Variants in PIK3R5 observed in about 807,000 individuals in gnomAD.
PIK3R5 encodes phosphoinositide-3-kinase regulatory subunit 5.
A neutral mutation model predicts 94.9 loss-of-function variants in PIK3R5; 32 were observed. The observed-to-expected ratio is 0.34, with a 90% CI of 0.25 to 0.45. The LOEUF is 0.45. PIK3R5 is among the 20% of genes least tolerant of loss of function. The pLI is 1.00. For synonymous variants in PIK3R5, 443 were observed against 479.4 expected, an observed-to-expected ratio of 0.92 and a Z score of 0.99; for missense variants, 853 against 1,144.6, an observed-to-expected ratio of 0.75 and a Z score of 3.68.
chr17:8,899,122 A>G (rs1237585294), intron 5 of PIK3R5, among the ~76,000 whole-genome samples: 1 of 152,244 alleles, frequency 6.6e-6, no homozygotes, highest in African/African-American at 2.4e-5. Flanking sequence ...GCTGAGCCCA[A>G]GAGGGCTGTG....
intron 5 of PIK3R5, among the ~76,000 whole-genome samples, chr17:8,903,456 G>T (rs2090333404): frequency 6.7e-6 from 1 of 149,892 alleles, no homozygotes; most frequent in African/African-American, 2.4e-5. Context: ...CTTTCAAATA[G>T]ATTTTTTTAT....
Position 8,881,529 on chromosome 17 carries a change from ATGCACACACATACATG to A in PIK3R5, c.2382+85_2382+100del, listed in dbSNP as rs2089658595. ...TACACACGGGTGTGTATGTGCACAC[ATGCACACACATACATG>A]TGCACACACACGTACACACATACGC... On this transcript the variant is annotated intron_variant, in intron 17 of 18. Transcript: ENST00000447110. The surrounding 1 kb of genome is among the most constrained non-coding windows in gnomAD (Gnocchi z 4.8). The A allele has an allele frequency of 1.1e-6, 1 of 894,222 alleles. No homozygotes were observed. 55.4% of individuals were successfully genotyped at this position (894,222 alleles called of 1,614,324 possible).
intron 10 of PIK3R5, 107 bp from the exon 11 acceptor site, chr17:8,887,790 C>T (rs1380943307): frequency 1.2e-5 from 11 of 936,952 alleles, no homozygotes; most frequent in Non-Finnish European, 1.7e-5. Flanking sequence ...GCCAGGAGTT[C>T]AAGACCAGCC....
At chr17:8,883,972 C>T (rs560746745) in intron 15 of PIK3R5, among the ~76,000 whole-genome samples, 24 of 152,320 alleles carry the variant, frequency 1.6e-4, no homozygotes, top group African/African-American at 4.6e-4. Context: ...CCAACACCAC[C>T]GTCCATCTGC....
intron 1 of PIK3R5, among the ~76,000 whole-genome samples, chr17:8,919,920 C>G (rs567933205): frequency 8.0e-6 from 1 of 124,314 alleles, no homozygotes; most frequent in African/African-American, 3.1e-5. Context: ...GACGGAGTCT[C>G]GCTCTTTTGC....
At chr17:8,895,732 C>T (rs1469286208) in intron 5 of PIK3R5, among the ~76,000 whole-genome samples, 3 of 152,158 alleles carry the variant, frequency 2.0e-5, no homozygotes, top group South Asian at 2.1e-4. Flanking sequence ...GTATGAGCTA[C>T]GTGGACTCCA....
At chr17:8,960,565 C>T (rs1163228664) in intron 1 of PIK3R5, among the ~76,000 whole-genome samples, 1 of 152,204 alleles carries the variant, frequency 6.6e-6, no homozygotes, top group African/African-American at 2.4e-5. Context: ...GAAATGTTAG[C>T]GATTAGGCAG....
At chr17:8,956,669 C>T (rs2091471600) in intron 1 of PIK3R5, among the ~76,000 whole-genome samples, 1 of 152,148 alleles carries the variant, frequency 6.6e-6, no homozygotes, top group Non-Finnish European at 1.5e-5. Flanking sequence ...TTCGTTTTCT[C>T]AAAATGAAAC....
At position 8,904,754 on chromosome 17, in the gene PIK3R5, G is replaced by T. The variant is rs377518635; in HGVS notation, c.412+23C>A. The T allele has an allele frequency of 6.2e-7, 1 of 1,612,740 alleles. No individual in the cohort carries two copies. The highest frequency in any genetic ancestry group is 8.5e-7 in the Non-Finnish European group (1 of 1,179,006). Reference sequence around the variant, plus strand: ...TCTGACCTTCTGAGCCCTGTCCCCCGTGCCAGCTGCCTCAGTGCTTACCTG... The same window carrying T: ...TCTGACCTTCTGAGCCCTGTCCCCCTTGCCAGCTGCCTCAGTGCTTACCTG... On this transcript the variant is annotated intron_variant, in intron 5 of 18. Coordinates refer to ENST00000447110, the MANE Select transcript of PIK3R5 (RefSeq NM_001142633.3). The surrounding 1 kb of genome is among the most constrained non-coding windows in gnomAD (Gnocchi z 5.1).
chr17:8,889,005 G>A lies in PIK3R5; in HGVS notation c.896-114C>T. 3 of 1,514,594 alleles carry A rather than the reference G, an allele frequency of 2.0e-6. No homozygotes were observed. The highest frequency in any genetic ancestry group is 1.3e-5 in the South Asian group (1 of 78,224). The allele number at this position is 1,514,594 out of a possible 1,614,324, so 93.8% of individuals were successfully genotyped here. ...GGGCCAGCCCAGGACTCCTAGCACT[G>A]CCCCCTTGCTCTGCTTAGAGCCTGC... On this transcript the variant is annotated intron_variant, in intron 9 of 18. Transcript: ENST00000447110. This position sits in a 1 kb window ranked among gnomAD's most constrained non-coding sequence, Gnocchi z 4.1.
Position 8,897,686 on chromosome 17 carries a change from A to G in PIK3R5, c.413-4031T>C, listed in dbSNP as rs28401635. Reference sequence around the variant, plus strand: ...GGGCATTGTACCCAGTTGATGAGTCAATTTCTCAACCTCCCTTGCAGAATG... The same window carrying G: ...GGGCATTGTACCCAGTTGATGAGTCGATTTCTCAACCTCCCTTGCAGAATG... On this transcript the variant is annotated intron_variant, in intron 5 of 18. Coordinates refer to ENST00000447110, the MANE Select transcript of PIK3R5 (RefSeq NM_001142633.3). 2.1e-3 allele frequency among the ~76,000 whole-genome samples: 325 copies of G among 152,214 alleles called. 1 individual carries two copies. The highest frequency in any genetic ancestry group is 7.5e-3 in the African/African-American group (313 of 41,508).
At position 8,881,749 on chromosome 17, in the gene PIK3R5, C is replaced by A. The variant is rs766899218; in HGVS notation, c.2300-37G>T. The A allele has an allele frequency of 1.9e-6, 3 of 1,612,892 alleles. No homozygotes were observed. In the African/African-American group the frequency reaches 4.0e-5, roughly 22 times the overall value. ...GGACACTCAGGCCAGGCTCAGAGCACCTCCCTACTGCACACCCCACACTGA... is the reference window on the plus strand; with the variant it reads ...GGACACTCAGGCCAGGCTCAGAGCAACTCCCTACTGCACACCCCACACTGA... On this transcript the variant is annotated intron_variant, in intron 16 of 18. Transcript: ENST00000447110. The surrounding 1 kb of genome is among the most constrained non-coding windows in gnomAD (Gnocchi z 4.8).
chr17:8,935,473 G>A lies in PIK3R5; in HGVS notation c.-13-23966C>T, dbSNP rs924497881. On this transcript the variant is annotated intron_variant, in intron 1 of 18. Transcript: ENST00000447110. This position sits in a 1 kb window ranked among gnomAD's most constrained non-coding sequence, Gnocchi z 4.5. ...CCCACAGTGTGGGCAGGTTGCCTGG[G>A]AGACCTGCTTCCTTCCTTGTTTCCT... is the stretch of plus-strand genomic sequence containing the variant. Among the ~76,000 whole-genome samples the A allele has an allele frequency of 6.6e-6, 1 of 152,160 alleles. No individual in the cohort carries two copies. The highest frequency in any genetic ancestry group is 1.5e-5 in the Non-Finnish European group (1 of 68,016).
At chr17:8,924,769 A>G (rs2090837866) in intron 1 of PIK3R5, among the ~76,000 whole-genome samples, 1 of 152,338 alleles carries the variant, frequency 6.6e-6, no homozygotes, top group Non-Finnish European at 1.5e-5. Context: ...AACCTCTCTA[A>G]CAAGAAAACA....
chr17:8,909,227 T>C lies in PIK3R5; in HGVS notation c.104-53A>G. The C allele has an allele frequency of 1.8e-6, 2 of 1,093,366 alleles. No homozygotes were observed. Among genetic ancestry groups the C allele is most frequent in the East Asian group, 2.6e-5 (1 of 38,986 alleles). 67.7% of individuals were successfully genotyped at this position (1,093,366 alleles called of 1,614,324 possible). ...CAGTTCTGGTGTCTTCCAGTCACAC[T>C]CAGGCAGGGGCTGTAAAGAAGGGGC... is the stretch of plus-strand genomic sequence containing the variant. On this transcript the variant is annotated intron_variant, in intron 2 of 18. Transcript: ENST00000447110. The surrounding 1 kb of genome is among the most constrained non-coding windows in gnomAD (Gnocchi z 4.3).
intron 3 of PIK3R5, among the ~76,000 whole-genome samples, chr17:8,906,424 AT>A (rs768044854): frequency 6.6e-6 from 1 of 151,838 alleles, no homozygotes; most frequent in Admixed American, 6.6e-5. Context: ...TGTTATAAAT[AT>A]TTTTTTCCAG....
At chr17:8,921,475 C>T (rs562174388) in intron 1 of PIK3R5, among the ~76,000 whole-genome samples, 35 of 152,104 alleles carry the variant, frequency 2.3e-4, no homozygotes, top group African/African-American at 8.0e-4. Flanking sequence ...TTTTCACCCT[C>T]GAAATGTTCA....
chr17:8,965,354 A>G (rs1189138499), intron 1 of PIK3R5, among the ~76,000 whole-genome samples: 1 of 152,168 alleles, frequency 6.6e-6, no homozygotes, highest in Non-Finnish European at 1.5e-5. Flanking sequence ...CCGGATAACG[A>G]TAAGTGGTCC....
intron 1 of PIK3R5, among the ~76,000 whole-genome samples, chr17:8,954,312 C>T (rs2091430283): frequency 6.6e-6 from 1 of 152,222 alleles, no homozygotes; most frequent in Non-Finnish European, 1.5e-5. Flanking sequence ...CTGAATTTTA[C>T]ATCTCCCTTG....
Sources: gnomAD v4.1 joint callset for allele counts (sites outside exome capture counted in the v4.1 genomes callset) on GRCh38, gnomAD v4.1.1 for gene constraint, Gnocchi (gnomAD v3.1) non-coding constraint, MANE v1.5 for transcripts, NCBI Gene and HGNC (gene_info 2026-07-23, HGNC 2026-07-21) for gene names.